The following MPP7 variants were observed in gnomAD, a reference collection of about 807,000 sequenced individuals.
MPP7 encodes the protein MAGUK p55 scaffold protein 7, also known as MAGUK p55 subfamily member 7.
MPP7 carries 60 observed loss-of-function variants against 76.5 expected under a neutral mutation model. The observed-to-expected ratio is 0.78, with a 90% CI of 0.64 to 0.97. The LOEUF (loss-of-function observed/expected upper bound fraction) is 0.97. Among genes scored for constraint, MPP7 ranks in the 50% least tolerant of loss-of-function variants. The pLI is 0.00. For synonymous variants in MPP7, 237 were observed against 244.5 expected, an observed-to-expected ratio of 0.97 and a Z score of 0.29; for missense variants, 641 against 694.0, an observed-to-expected ratio of 0.92 and a Z score of 0.86.
At chr10:28,115,573 A>C (rs1460529178) in intron 11 of MPP7, among the ~76,000 whole-genome samples, 1 of 152,270 alleles carries the variant, frequency 6.6e-6, no homozygotes, top group Non-Finnish European at 1.5e-5. Context: ...AAATTACTTA[A>C]GAATCCAGGA....
chr10:28,216,183 G>C (rs1052228615), intron 2 of MPP7, among the ~76,000 whole-genome samples: 2 of 151,710 alleles, frequency 1.3e-5, no homozygotes, highest in Non-Finnish European at 1.5e-5. Flanking sequence ...TATGGGACCA[G>C]CCTGAGCAAC....
chr10:28,272,613 AATG>A (rs1840361461), intron 1 of MPP7, among the ~76,000 whole-genome samples: 2 of 152,216 alleles, frequency 1.3e-5, no homozygotes, highest in Admixed American at 1.3e-4. Context: ...AGATATAGTT[AATG>A]ACTCAGTCAA....
intron 3 of MPP7, among the ~76,000 whole-genome samples, chr10:28,178,744 G>A (rs775924712): frequency 6.6e-6 from 1 of 152,018 alleles, no homozygotes; most frequent in Admixed American, 6.6e-5. Context: ...AAAGTTCATG[G>A]AACACAGAAT....
chr10:28,173,837 T>C (rs1292225182), intron 3 of MPP7, among the ~76,000 whole-genome samples: 1 of 152,206 alleles, frequency 6.6e-6, no homozygotes, highest in Non-Finnish European at 1.5e-5. Flanking sequence ...GTCACCACAC[T>C]TGTGAATTAT....
At chr10:28,286,745 G>A (rs1840799591) in intron 1 of MPP7, among the ~76,000 whole-genome samples, 1 of 151,994 alleles carries the variant, frequency 6.6e-6, no homozygotes. Flanking sequence ...TGGCCCCTTA[G>A]CACAAATCAA....
At chr10:28,330,855 C>T (rs550301841) in intron 1 of MPP7, among the ~76,000 whole-genome samples, 37 of 152,150 alleles carry the variant, frequency 2.4e-4, no homozygotes, top group African/African-American at 8.0e-4. Context: ...AGTTGAGGGT[C>T]TCCCCATGTT....
intron 6 of MPP7, among the ~76,000 whole-genome samples, chr10:28,127,699 T>C (rs1835063249): frequency 6.6e-6 from 1 of 151,964 alleles, no homozygotes; most frequent in Admixed American, 6.6e-5. Flanking sequence ...CGACACGTGG[T>C]TATTATGGGA....
At chr10:28,320,626 GA>G (rs1834361466) in intron 2 of MPP7, among the ~76,000 whole-genome samples, 1 of 152,088 alleles carries the variant, frequency 6.6e-6, no homozygotes, top group Non-Finnish European at 1.5e-5. Flanking sequence ...GGGTCAACTT[GA>G]AATCACTACA....
chr10:28,290,769 G>A (rs544396682), intron 1 of MPP7, among the ~76,000 whole-genome samples: 44 of 152,140 alleles, frequency 2.9e-4, no homozygotes, highest in East Asian at 2.1e-3. Flanking sequence ...CACCACGCCC[G>A]GCCCCAATCA....
chr10:28,143,537 T>G (rs1835595895), intron 5 of MPP7, among the ~76,000 whole-genome samples: 1 of 152,202 alleles, frequency 6.6e-6, no homozygotes, highest in Non-Finnish European at 1.5e-5. Flanking sequence ...AAATATTCTT[T>G]CCTTTATGGG....
At position 28,123,882 on chromosome 10, in the gene MPP7, G is replaced by T; in HGVS notation, c.615+149C>A. On this transcript the variant is annotated intron_variant, in intron 8 of 16. Coordinates refer to ENST00000683449, the MANE Select transcript of MPP7 (RefSeq NM_001318170.2). ...AAACACTGAGGCATGAATAGATTAAGATATTTTCCAAGAACACACAGGGAT... is the reference window on the plus strand; with the variant it reads ...AAACACTGAGGCATGAATAGATTAATATATTTTCCAAGAACACACAGGGAT... 4 of 606,658 alleles carry T rather than the reference G, an allele frequency of 6.6e-6. No homozygotes were observed. The South Asian group carries it at 7.9e-5, about 12-fold the overall frequency. 37.6% of individuals were successfully genotyped at this position (606,658 alleles called of 1,614,324 possible).
chr10:28,223,810 G>C lies in MPP7; in HGVS notation c.37+14758C>G, dbSNP rs573480325. Among the ~76,000 whole-genome samples the C allele has an allele frequency of 2.0e-5, 3 of 151,214 alleles. No individual in the cohort carries two copies. In the East Asian group the frequency reaches 5.8e-4, roughly 29 times the overall value. On this transcript the variant is annotated intron_variant, in intron 2 of 16. Transcript: ENST00000683449. ...TATAAACTGAAATGTATAATATTAGGCTTCATTCCAACATCTCTTCCCACC... is the reference window on the plus strand; with the variant it reads ...TATAAACTGAAATGTATAATATTAGCCTTCATTCCAACATCTCTTCCCACC...
At chr10:28,069,744 T>A (rs1390566587) in intron 13 of MPP7, 28 bp downstream of exon 13, 1 of 1,560,570 alleles carries the variant, frequency 6.4e-7, no homozygotes, top group East Asian at 2.2e-5. Flanking sequence ...AGTGTAGTCA[T>A]AGGAACACTG....
At chr10:28,264,314 T>C (rs1285320849) in intron 1 of MPP7, among the ~76,000 whole-genome samples, 1 of 151,798 alleles carries the variant, frequency 6.6e-6, no homozygotes, top group African/African-American at 2.4e-5. Context: ...TCATTTTAGC[T>C]AAAAATTGGG....
chr10:28,057,897 T>C (rs1851626200), intron 15 of MPP7: 1 of 1,191,808 alleles, frequency 8.4e-7, no homozygotes, highest in Non-Finnish European at 1.1e-6. Flanking sequence ...CTGGAAGATG[T>C]ATGGTTTGAT....
At chr10:28,281,728 G>T (rs1840679332) in intron 1 of MPP7, among the ~76,000 whole-genome samples, 1 of 151,962 alleles carries the variant, frequency 6.6e-6, no homozygotes, top group Admixed American at 6.6e-5. Flanking sequence ...TTTGTGGTAG[G>T]TACTCTAATT....
At chr10:28,109,396 T>A (rs949272389) in intron 11 of MPP7, among the ~76,000 whole-genome samples, 5 of 152,182 alleles carry the variant, frequency 3.3e-5, no homozygotes. Flanking sequence ...AAAGTCCAGA[T>A]GCCATTAATT....
rs1298342200 is a variant in MPP7, at chr10:28,079,993, G to A, written c.1123+9678C>T. On this transcript the variant is annotated intron_variant, in intron 12 of 16. Transcript: ENST00000683449. ...AAAAATTAGCCAGGTGTGGTGCGGGGTGCCTATAATCCCAGCGGAAGAATG... is the reference window on the plus strand; with the variant it reads ...AAAAATTAGCCAGGTGTGGTGCGGGATGCCTATAATCCCAGCGGAAGAATG... Among the ~76,000 whole-genome samples the A allele has an allele frequency of 2.7e-5, 4 of 145,868 alleles. No individual in the cohort carries two copies. The South Asian group carries it at 7.0e-4, about 25-fold the overall frequency.
intron 3 of MPP7, among the ~76,000 whole-genome samples, chr10:28,194,886 C>T (rs1260880390): frequency 6.6e-6 from 1 of 152,122 alleles, no homozygotes; most frequent in African/African-American, 2.4e-5. Flanking sequence ...AATGTATCAA[C>T]CAACATTGGT....
Sources: allele counts gnomAD v4.1 joint callset (sites outside exome capture counted in the v4.1 genomes callset), GRCh38; gene constraint gnomAD v4.1.1; transcripts MANE v1.5; gene names NCBI Gene and HGNC (gene_info 2026-07-23, HGNC 2026-07-21).